FILIP1L: variants seen among roughly 807,000 people sequenced by gnomAD.
FILIP1L encodes filamin A interacting protein 1 like, also known as filamin A-interacting protein 1-like.
FILIP1L carries 55 observed loss-of-function variants against 96.6 expected under a neutral mutation model. That is an observed-to-expected ratio of 0.57 (90% CI 0.46 to 0.71). The LOEUF (loss-of-function observed/expected upper bound fraction) is 0.71. Among genes scored for constraint, FILIP1L ranks in the 30% least tolerant of loss-of-function variants. FILIP1L has a pLI of 0.00. For missense variants in FILIP1L, 1,304 were observed against 1,321.2 expected (o/e 0.99, Z 0.20); for synonymous variants, 467 against 473.9 (o/e 0.99, Z 0.19).
At chr3:100,044,975 T>G (rs1010310580) in intron 1 of FILIP1L, among the ~76,000 whole-genome samples, 4 of 152,174 alleles carry the variant, frequency 2.6e-5, no homozygotes, top group African/African-American at 9.7e-5. Flanking sequence ...TTAAGAACAT[T>G]TAGAGGAGAG....
At chr3:100,033,784 CT>C (rs1460414233) in intron 1 of FILIP1L, among the ~76,000 whole-genome samples, 1 of 152,086 alleles carries the variant, frequency 6.6e-6, no homozygotes. Flanking sequence ...AAATTTTATT[CT>C]TTCCATGAAT....
intron 1 of FILIP1L, among the ~76,000 whole-genome samples, chr3:99,966,306 G>A (rs964662297): frequency 3.3e-5 from 5 of 152,174 alleles, no homozygotes; most frequent in African/African-American, 1.2e-4. Flanking sequence ...GGGCAAAGCA[G>A]CCTCCACCAC....
At chr3:99,959,346 C>T (rs1302326654) in intron 1 of FILIP1L, among the ~76,000 whole-genome samples, 2 of 152,184 alleles carry the variant, frequency 1.3e-5, no homozygotes, top group African/African-American at 2.4e-5. Flanking sequence ...GGCGGGGTTT[C>T]GCCATGCTGG....
intron 1 of FILIP1L, among the ~76,000 whole-genome samples, chr3:99,974,151 A>T (rs1015903219): frequency 6.6e-6 from 1 of 152,186 alleles, no homozygotes; most frequent in Admixed American, 6.5e-5. Context: ...AATTGCTTGT[A>T]GGTATTGGAC....
rs540620586 is a variant in FILIP1L, at chr3:99,907,816, C to A, written c.605+16414G>T. Reference sequence around the variant, plus strand: ...ATGCTATCTGGATCCATTAGGAGATCAAGCCATTCCTGATCCCCTAATCAG... The same window carrying A: ...ATGCTATCTGGATCCATTAGGAGATAAAGCCATTCCTGATCCCCTAATCAG... On this transcript the variant is annotated intron_variant, in intron 4 of 5. Transcript: ENST00000477258. Among the ~76,000 whole-genome samples, 3 of 152,308 alleles carry A rather than the reference C, an allele frequency of 2.0e-5. No homozygotes were observed. In the East Asian group the frequency reaches 5.8e-4, roughly 29 times the overall value.
At chr3:100,109,494 G>T (rs764487776) in intron 1 of FILIP1L, among the ~76,000 whole-genome samples, 1 of 152,040 alleles carries the variant, frequency 6.6e-6, no homozygotes, top group Non-Finnish European at 1.5e-5. Flanking sequence ...TCCCCTCAGC[G>T]TCAGCTGTTG....
intron 1 of FILIP1L, among the ~76,000 whole-genome samples, chr3:99,973,042 C>T (rs1294864668): frequency 6.6e-6 from 1 of 152,000 alleles, no homozygotes; most frequent in Non-Finnish European, 1.5e-5. Context: ...TTTATCTGTT[C>T]ACAAAATTAG....
rs1220612200 is a variant in FILIP1L at position 99,935,728 on chromosome 3, A to G, written c.-10-4698T>C. The stretch of plus-strand genomic sequence containing the variant: ...ATTCTGGGACTCTCTGTTGTCTTGT[A>G]TCTATGGATACAAATACAGTGCAGT... On this transcript the variant is annotated intron_variant, in intron 1 of 5. Coordinates refer to ENST00000477258, the MANE Select transcript of FILIP1L (RefSeq NM_001387850.1). Among the ~76,000 whole-genome samples the G allele has an allele frequency of 4.6e-5, 7 of 152,198 alleles. No homozygotes were observed. The East Asian group carries it at 1.2e-3, about 25-fold the overall frequency.
intron 4 of FILIP1L, among the ~76,000 whole-genome samples, chr3:99,888,556 G>A (rs1414210966): frequency 3.3e-5 from 5 of 152,198 alleles, no homozygotes; most frequent in Admixed American, 2.6e-4. Context: ...GGTTGGTTTT[G>A]TAGAGGTGCC....
intron 5 of FILIP1L, among the ~76,000 whole-genome samples, chr3:99,846,621 T>C (rs1194798193): frequency 1.3e-5 from 2 of 152,214 alleles, no homozygotes; most frequent in East Asian, 1.9e-4. Context: ...TCAGCTTTCA[T>C]CCAAATTTAT....
intron 1 of FILIP1L, among the ~76,000 whole-genome samples, chr3:100,046,154 T>C (rs2065275495): frequency 6.6e-6 from 1 of 152,178 alleles, no homozygotes; most frequent in Non-Finnish European, 1.5e-5. Flanking sequence ...AATAACAGGC[T>C]CATCAAATTT....
At chr3:99,997,235 A>G (rs1173723484) in intron 1 of FILIP1L, among the ~76,000 whole-genome samples, 1 of 152,214 alleles carries the variant, frequency 6.6e-6, no homozygotes, top group African/African-American at 2.4e-5. Context: ...CTAACCAAGA[A>G]GAAGGTCCAA....
chr3:99,863,554 A>C (rs1220002411), intron 4 of FILIP1L, among the ~76,000 whole-genome samples: 1 of 152,228 alleles, frequency 6.6e-6, no homozygotes. Flanking sequence ...GCAGATTGAA[A>C]GATACCCTAG....
chr3:100,009,248 A>G (rs1270610861), intron 1 of FILIP1L, among the ~76,000 whole-genome samples: 3 of 152,224 alleles, frequency 2.0e-5, no homozygotes, highest in African/African-American at 7.2e-5. Flanking sequence ...TATCAAGAAT[A>G]TAAGATCTAT....
chr3:99,862,443 G>A (rs1452037896), intron 4 of FILIP1L, among the ~76,000 whole-genome samples: 1 of 152,152 alleles, frequency 6.6e-6, no homozygotes, highest in African/African-American at 2.4e-5. Context: ...CTATGCACAT[G>A]GTTAGTCATA....
rs886842032 is a variant in FILIP1L at position 100,038,000 on chromosome 3, G to A, written c.-11+76053C>T. Among the ~76,000 whole-genome samples the A allele has an allele frequency of 2.7e-5, 4 of 147,872 alleles. No individual in the cohort carries two copies. The South Asian group carries it at 8.6e-4, about 32-fold the overall frequency. Reference sequence around the variant, plus strand: ...GTCTCAAATCTCGCTCTGTCGCCCAGGTGGAGTGCAGTGGCACAATCTCGG... The same window carrying A: ...GTCTCAAATCTCGCTCTGTCGCCCAAGTGGAGTGCAGTGGCACAATCTCGG... On this transcript the variant is annotated intron_variant, in intron 1 of 5. Transcript: ENST00000477258.
At chr3:100,068,672 G>T (rs1455119678) in intron 1 of FILIP1L, among the ~76,000 whole-genome samples, 1 of 152,104 alleles carries the variant, frequency 6.6e-6, no homozygotes, top group African/African-American at 2.4e-5. Context: ...CTGTTACCCA[G>T]GCTGGAGTGC....
intron 1 of FILIP1L, among the ~76,000 whole-genome samples, chr3:99,984,327 C>G (rs1218768856): frequency 6.6e-6 from 1 of 151,994 alleles, no homozygotes; most frequent in East Asian, 1.9e-4. Context: ...TAATCTAGAG[C>G]CAAGAATGAA....
intron 4 of FILIP1L, among the ~76,000 whole-genome samples, chr3:99,913,202 A>T (rs1706846725): frequency 6.6e-6 from 1 of 152,212 alleles, no homozygotes; most frequent in South Asian, 2.1e-4. Context: ...TTTACAAGCC[A>T]CCCAATCTCT....
Sources: gnomAD v4.1 joint callset for allele counts (sites outside exome capture counted in the v4.1 genomes callset) on GRCh38, gnomAD v4.1.1 for gene constraint, MANE v1.5 for transcripts, NCBI Gene and HGNC (gene_info 2026-07-23, HGNC 2026-07-21) for gene names.